ARHGEF3: variants seen among roughly 807,000 people sequenced by gnomAD.
ARHGEF3 encodes Rho guanine nucleotide exchange factor 3.
Under a neutral mutation model 63.2 loss-of-function variants are expected in ARHGEF3, and 28 were observed. The observed-to-expected ratio is 0.44, with a 90% CI of 0.33 to 0.61. The LOEUF (loss-of-function observed/expected upper bound fraction) is 0.61. Among genes scored for constraint, ARHGEF3 ranks in the 20% least tolerant of loss-of-function variants. The pLI is 0.03. For synonymous variants in ARHGEF3, 266 were observed against 254.2 expected, an observed-to-expected ratio of 1.05 and a Z score of -0.44; for missense variants, 533 against 659.3, an observed-to-expected ratio of 0.81 and a Z score of 2.10.
chr3:56,899,031 C>T (rs532118018), intron 3 of ARHGEF3, among the ~76,000 whole-genome samples: 7 of 152,188 alleles, frequency 4.6e-5, no homozygotes, highest in East Asian at 3.9e-4. Flanking sequence ...TCCAGCCTGG[C>T]GACAGAAAGA....
rs186580724 is a variant in ARHGEF3 at position 56,935,449 on chromosome 3, A to G, written c.129+23374T>C. Among the ~76,000 whole-genome samples, 52 of 152,258 alleles carry G rather than the reference A, an allele frequency of 3.4e-4. No homozygotes were observed. In the East Asian group the frequency reaches 9.6e-3, roughly 28 times the overall value. ...GCTGGGGTCCCCTTCCACAGTGTGG[A>G]AGCTTTGTTCTTTCGCTCTTTGCAA... On this transcript the variant is annotated intron_variant, in intron 3 of 12. Coordinates refer to the ARHGEF3 transcript ENST00000338458.
intron 1 of ARHGEF3, chr3:56,775,428 G>A (rs1422443462): frequency 4.9e-6 from 5 of 1,012,836 alleles, no homozygotes; most frequent in East Asian, 2.0e-4. Flanking sequence ...GGCCAGAAAC[G>A]ATTCCATGAT....
intron 2 of ARHGEF3, among the ~76,000 whole-genome samples, chr3:56,994,587 G>C (rs1351849231): frequency 6.6e-6 from 1 of 152,110 alleles, no homozygotes; most frequent in Non-Finnish European, 1.5e-5. Flanking sequence ...CACCCTCGCT[G>C]AAGAGTTCAT....
chr3:56,889,883 G>A (rs756812403), intron 3 of ARHGEF3, among the ~76,000 whole-genome samples: 1 of 152,154 alleles, frequency 6.6e-6, no homozygotes, highest in Non-Finnish European at 1.5e-5. Flanking sequence ...CCAACATGGT[G>A]AAACCTCATC....
At chr3:56,987,142 G>T (rs1237816960) in intron 2 of ARHGEF3, among the ~76,000 whole-genome samples, 1 of 152,186 alleles carries the variant, frequency 6.6e-6, no homozygotes, top group Non-Finnish European at 1.5e-5. Context: ...AGCCCAAGAG[G>T]TCAAAGCTGC....
intron 3 of ARHGEF3, among the ~76,000 whole-genome samples, chr3:56,887,569 T>C (rs926272387): frequency 1.3e-5 from 2 of 152,156 alleles, no homozygotes; most frequent in South Asian, 4.1e-4. Context: ...AAAAATGCCA[T>C]TTTACTTCCT....
chr3:56,853,178 A>G (rs2039736828), intron 4 of ARHGEF3, among the ~76,000 whole-genome samples: 1 of 152,168 alleles, frequency 6.6e-6, no homozygotes, highest in East Asian at 1.9e-4. Context: ...AGAACAGAGG[A>G]CATGCATTGT....
intron 3 of ARHGEF3, among the ~76,000 whole-genome samples, chr3:56,914,083 G>A (rs531370497): frequency 2.2e-4 from 33 of 152,280 alleles, no homozygotes; most frequent in African/African-American, 7.7e-4. Context: ...CTATGAGGAC[G>A]CAAAGGCATA....
chr3:56,923,514 A>C (rs1246509309), intron 3 of ARHGEF3, among the ~76,000 whole-genome samples: 1 of 152,100 alleles, frequency 6.6e-6, no homozygotes. Flanking sequence ...GGTAATAGAA[A>C]CTAGCAGTTT....
At chr3:56,964,591 G>C (rs140532221) in intron 2 of ARHGEF3, among the ~76,000 whole-genome samples, 197 of 152,290 alleles carry the variant, frequency 1.3e-3, no homozygotes, top group African/African-American at 4.2e-3. Context: ...GAGATCAGCA[G>C]TGGACAAGAA....
chr3:56,869,884 A>G (rs1002623359), intron 4 of ARHGEF3, among the ~76,000 whole-genome samples: 1 of 152,174 alleles, frequency 6.6e-6, no homozygotes, highest in Non-Finnish European at 1.5e-5. Flanking sequence ...AAATAGTATT[A>G]ATGATAAACT....
chr3:56,811,770 C>T (rs2038074431), intron 4 of ARHGEF3, among the ~76,000 whole-genome samples: 1 of 152,146 alleles, frequency 6.6e-6, no homozygotes, highest in South Asian at 2.1e-4. Flanking sequence ...TCACTAGTTC[C>T]CCAGATTTTA....
chr3:56,876,681 CA>C (rs57550315), intron 4 of ARHGEF3, among the ~76,000 whole-genome samples: 36,883 of 146,730 alleles, frequency 0.25, 5,437 homozygotes, highest in East Asian at 0.53. Context: ...ATCAGCAAAA[CA>C]AAAAAAAAAA....
chr3:56,841,119 A>G (rs2039294936), intron 4 of ARHGEF3, among the ~76,000 whole-genome samples: 1 of 152,178 alleles, frequency 6.6e-6, no homozygotes, highest in South Asian at 2.1e-4. Context: ...ATCTATACTG[A>G]TCAAGTTCAG....
chr3:57,015,501 A>C (rs1423269319), intron 2 of ARHGEF3, among the ~76,000 whole-genome samples: 1 of 151,604 alleles, frequency 6.6e-6, no homozygotes, highest in Non-Finnish European at 1.5e-5. Flanking sequence ...TTGCAGGATC[A>C]TGGCTCACTG....
At chr3:56,835,267 C>T (rs1481720598) in intron 4 of ARHGEF3, among the ~76,000 whole-genome samples, 2 of 150,992 alleles carry the variant, frequency 1.3e-5, no homozygotes, top group Admixed American at 6.6e-5. Flanking sequence ...CCTCTGTCTC[C>T]TGGGTTCAAG....
At chr3:56,786,638 G>A (rs927261565) in intron 1 of ARHGEF3, among the ~76,000 whole-genome samples, 20 of 152,110 alleles carry the variant, frequency 1.3e-4, no homozygotes, top group African/African-American at 3.6e-4. Context: ...TAGTGATTAC[G>A]TGTTATTTTG....
chr3:56,924,070 T>C (rs1284475381), intron 3 of ARHGEF3, among the ~76,000 whole-genome samples: 2 of 152,152 alleles, frequency 1.3e-5, no homozygotes, highest in Non-Finnish European at 2.9e-5. Flanking sequence ...AACAAAATCA[T>C]GGACAATAAG....
intron 4 of ARHGEF3, among the ~76,000 whole-genome samples, chr3:56,827,752 C>CAA (rs35949919): frequency 0.057 from 3,926 of 68,436 alleles, 537 homozygotes; most frequent in African/African-American, 0.22. Context: ...CCTGTCTCTA[C>CAA]AAAAAAAAAA....
Sources: allele counts gnomAD v4.1 joint callset (sites outside exome capture counted in the v4.1 genomes callset), GRCh38; gene constraint gnomAD v4.1.1; transcripts MANE v1.5; gene names NCBI Gene and HGNC (gene_info 2026-07-23, HGNC 2026-07-21).